FMNL3: variants seen among roughly 807,000 people sequenced by gnomAD.
The protein encoded by FMNL3 is formin like 3.
FMNL3 carries 57 observed loss-of-function variants against 119.6 expected under a neutral mutation model. The observed-to-expected ratio is 0.48, with a 90% confidence interval of 0.39 to 0.59. The LOEUF is 0.59. FMNL3 is among the 20% of genes least tolerant of loss of function. FMNL3 has a pLI of 0.00. For missense variants in FMNL3, 1,053 were observed against 1,323.5 expected (o/e 0.80, Z 3.17); for synonymous variants, 491 against 507.3 (o/e 0.97, Z 0.43).
chr12:49,651,051 G>T, intron 16 of FMNL3, 117 bp downstream of exon 16: 1 of 1,500,764 alleles, frequency 6.7e-7, no homozygotes, highest in Admixed American at 1.8e-5. Context: ...TGAAGGGTTG[G>T]TGGAGCTAAG....
In FMNL3 at chr12:49,643,972, C is replaced by A. The variant is rs554273973; in HGVS notation, c.*1843G>T. The A allele has an allele frequency of 1.2e-6, 2 of 1,614,198 alleles. No individual in the cohort carries two copies. Among genetic ancestry groups the A allele is most frequent in the Non-Finnish European group, 1.7e-6 (2 of 1,180,032 alleles). On this transcript the variant is annotated 3_prime_UTR_variant, in exon 26 of 26. Coordinates refer to ENST00000335154, the MANE Select transcript of FMNL3 (RefSeq NM_175736.5). ...GCTCCAACAGGCAGAGCTCCCTAAC[C>A]GTTCCCCAGGCTTTGGAATCAAGAA... is the stretch of plus-strand genomic sequence containing the variant.
chr12:49,663,090 A>G (rs1314411147), intron 4 of FMNL3, among the ~76,000 whole-genome samples: 1 of 152,220 alleles, frequency 6.6e-6, no homozygotes, highest in Non-Finnish European at 1.5e-5. Flanking sequence ...GAGATTAGGC[A>G]GCAGGCTCTG....
At chr12:49,681,161 CT>C (rs902136354) in intron 1 of FMNL3, among the ~76,000 whole-genome samples, 1 of 152,276 alleles carries the variant, frequency 6.6e-6, no homozygotes, top group Non-Finnish European at 1.5e-5. Context: ...AACTTGTCCT[CT>C]TGGACACAAC....
intron 2 of FMNL3, 31 bp from the exon 3 acceptor site, chr12:49,666,238 C>T (rs752448984): frequency 8.8e-6 from 14 of 1,588,582 alleles, no homozygotes; most frequent in Middle Eastern, 1.7e-4. Context: ...TGCGTATCCA[C>T]AAAGACAACC....
rs1943116544 is a variant in FMNL3 at position 49,645,098 on chromosome 12, C to A, written c.*717G>T. The stretch of plus-strand genomic sequence containing the variant: ...AGCCAAGACCACCATGCTCCTTGTC[C>A]CCTGCCAAAAAAAAAAAAAAAAAAA... On this transcript the variant is annotated 3_prime_UTR_variant, in exon 26 of 26. Coordinates refer to ENST00000335154, the MANE Select transcript of FMNL3 (RefSeq NM_175736.5). 1 of 142,496 alleles carries A rather than the reference C, an allele frequency of 7.0e-6. No homozygotes were observed. 8.8% of individuals were successfully genotyped at this position (142,496 alleles called of 1,614,324 possible). A position where few individuals can be genotyped will look rare whatever the true frequency, so the allele number is the denominator to read the frequency against.
rs747200127 is a variant in FMNL3 at position 49,647,226 on chromosome 12, C to G, written c.2871+50G>C. 4 of 1,605,314 alleles carry G rather than the reference C, an allele frequency of 2.5e-6. No individual in the cohort carries two copies. Among genetic ancestry groups the G allele is most frequent in the South Asian group, 1.1e-5 (1 of 90,916 alleles). On this transcript the variant is annotated intron_variant, in intron 24 of 25. Transcript: ENST00000335154. The surrounding 1 kb of genome is among the most constrained non-coding windows in gnomAD (Gnocchi z 4.9). ...CTCTAGCCTTCTGACCCCCAGCCCCCACTCTTTTGCCTTGTCGTCCTCCAG... is the reference window on the plus strand; with the variant it reads ...CTCTAGCCTTCTGACCCCCAGCCCCGACTCTTTTGCCTTGTCGTCCTCCAG...
At position 49,649,581 on chromosome 12, in the gene FMNL3, G is replaced by T; in HGVS notation, c.2236-43C>A. The stretch of plus-strand genomic sequence containing the variant: ...CACTGAAGTAACCCCAGGCTGAGAT[G>T]GGGTAAAGACAGGGAGGGGTCAGAA... On this transcript the variant is annotated intron_variant, in intron 18 of 25. Coordinates refer to ENST00000335154, the MANE Select transcript of FMNL3 (RefSeq NM_175736.5). This position sits in a 1 kb window ranked among gnomAD's most constrained non-coding sequence, Gnocchi z 5.6. The T allele has an allele frequency of 6.2e-7, 1 of 1,613,322 alleles. No homozygotes were observed.
chr12:49,689,782 C>G (rs1944555867), intron 1 of FMNL3, among the ~76,000 whole-genome samples: 1 of 152,238 alleles, frequency 6.6e-6, no homozygotes. Flanking sequence ...AAGCTCACAT[C>G]TGTCTATAAC....
chr12:49,701,132 A>C (rs1385775591), intron 1 of FMNL3, among the ~76,000 whole-genome samples: 1 of 152,014 alleles, frequency 6.6e-6, no homozygotes, highest in Non-Finnish European at 1.5e-5. Flanking sequence ...AGCAAATGAG[A>C]AAATGCTTAA....
At position 49,657,198 on chromosome 12, in the gene FMNL3, G is replaced by C. The variant is rs371999368; in HGVS notation, c.606-8C>G. 5.0e-6 allele frequency: 8 copies of C among 1,606,372 alleles called. No homozygotes were observed. The highest frequency in any genetic ancestry group is 6.8e-6 in the Non-Finnish European group (8 of 1,173,234). ...CCAGGGAGAGTGCTATACCTGGGGA[G>C]ATGGGCCAGGCAGTCAGGTGGGAGC... On this transcript the variant is annotated splice_region_variant and splice_polypyrimidine_tract_variant and intron_variant, in intron 6 of 25. Transcript: ENST00000335154.
Position 49,707,152 on chromosome 12 carries a change from A to C in FMNL3, c.29T>G (p.Val10Gly). ...CGGGACAGAGGGGGGCTCTCCCGGG[A>C]CCCCCTCGGCGCTCTCCAGGTTGCC... is the stretch of plus-strand genomic sequence containing the variant. MGNLESAEG[V>G]PGEPPSVPLL... The change falls in exon 1 of 26, where the codon GTC (valine) becomes GGC (glycine). Residue 10 changes from valine (V) to glycine (G), a missense_variant. Transcript: ENST00000335154. 6.3e-7 allele frequency: 1 copy of C among 1,588,184 alleles called. No individual in the cohort carries two copies. The highest frequency in any genetic ancestry group is 8.6e-7 in the Non-Finnish European group (1 of 1,168,840).
rs993910951 is a variant in FMNL3 at position 49,642,267 on chromosome 12, G to C, written c.*3548C>G. The C allele has an allele frequency of 2.5e-6, 4 of 1,614,224 alleles. No individual in the cohort carries two copies. Among genetic ancestry groups the C allele is most frequent in the Admixed American group, 1.7e-5 (1 of 60,034 alleles). ...AGAAAGCAGAGGCACGGGAGAGGGA[G>C]CGGGAGAAGGAGGAGGCACGCAGGA... On this transcript the variant is annotated 3_prime_UTR_variant, in exon 26 of 26. Transcript: ENST00000335154. The surrounding 1 kb of genome is among the most constrained non-coding windows in gnomAD (Gnocchi z 5.8).
rs1942295286 is a variant in FMNL3, at chr12:49,639,421, T to C, written c.*6394A>G. The stretch of plus-strand genomic sequence containing the variant: ...GGAAGAGGGTGAGCAGGGAGAAAAG[T>C]CAGTAGGCTGTGCAGGAATCTTGTA... On this transcript the variant is annotated 3_prime_UTR_variant, in exon 26 of 26. Coordinates refer to ENST00000335154, the MANE Select transcript of FMNL3 (RefSeq NM_175736.5). 6.6e-6 allele frequency: 1 copy of C among 152,276 alleles called. No homozygotes were observed. Among genetic ancestry groups the C allele is most frequent in the Admixed American group, 6.5e-5 (1 of 15,270 alleles). 9.4% of individuals were successfully genotyped at this position (152,276 alleles called of 1,614,324 possible).
intron 1 of FMNL3, among the ~76,000 whole-genome samples, chr12:49,693,635 G>GTTTT (rs1565896489): frequency 0.012 from 262 of 21,242 alleles, 113 homozygotes; most frequent in Admixed American, 0.018. Flanking sequence ...TCCCAATCTT[G>GTTTT]GTTTTTTTTT....
Position 49,645,667 on chromosome 12 carries a change from A to T in FMNL3, c.*148T>A. On this transcript the variant is annotated 3_prime_UTR_variant, in exon 26 of 26. Transcript: ENST00000335154. ...CTACAGACCTAGTGCCCATAGTGGC[A>T]CAAGTAGAAAGATCCAGCCTCAAGA... The T allele has an allele frequency of 1.6e-6, 1 of 643,812 alleles. No homozygotes were observed. Among genetic ancestry groups the T allele is most frequent in the South Asian group, 2.1e-5 (1 of 48,380 alleles). The allele number at this position is 643,812 out of a possible 1,614,324, so 39.9% of individuals were successfully genotyped here.
In FMNL3 at chr12:49,650,811, A is replaced by G. The variant is rs1393829372; in HGVS notation, c.1865T>C (p.Ile622Thr). 6.2e-7 allele frequency: 1 copy of G among 1,614,058 alleles called. No homozygotes were observed. The highest frequency in any genetic ancestry group is 1.3e-5 in the African/African-American group (1 of 74,934). Residue 622 changes from isoleucine (I) to threonine (T), a missense_variant, in exon 17 of 26, where the codon ATC becomes ACC. This residue lies in a region of FMNL3 where 445 missense variants were observed against 628.4 expected (regional missense o/e 0.71). Transcript: ENST00000335154. The stretch of plus-strand genomic sequence containing the variant: ...TTGCGCTGTCTTGTTTTTGGAGCAG[A>G]TGAGGTCAAGGGCAGGGCCCTGCGC... ...TKAQGPALDL[I>T]CSKNKTAQKA...
intron 1 of FMNL3, among the ~76,000 whole-genome samples, chr12:49,670,292 A>C (rs1944009689): frequency 6.6e-6 from 1 of 152,216 alleles, no homozygotes; most frequent in Non-Finnish European, 1.5e-5. Context: ...GAAAATCCCA[A>C]ACATTTATTC....
Position 49,658,574 on chromosome 12 carries a change from T to C in FMNL3, c.473A>G (p.Glu158Gly). 1.2e-6 allele frequency: 2 copies of C among 1,610,930 alleles called. No homozygotes were observed. The highest frequency in any genetic ancestry group is 2.2e-5 in the South Asian group (2 of 90,638). Reference protein sequence around the residue: ...CSVMFDFEGLESGDDGAFDKL... With the variant: ...CSVMFDFEGLGSGDDGAFDKL... Reference sequence around the variant, plus strand: ...GTCAAATGCACCATCGTCACCACTTTCCAGACCCTCAAAGTCAAACCTGGA... The same window carrying C: ...GTCAAATGCACCATCGTCACCACTTCCCAGACCCTCAAAGTCAAACCTGGA... The change falls in exon 6 of 26, where the codon GAA (glutamate) becomes GGA (glycine). Residue 158 changes from glutamate (E) to glycine (G), a missense_variant. Glu to Gly is a moderately conservative substitution (Grantham distance 98). Around this residue, in one of 4 missense-constraint regions of FMNL3, gnomAD observed 264 missense variants for 265.5 expected, o/e 0.99. Coordinates refer to ENST00000335154, the MANE Select transcript of FMNL3 (RefSeq NM_175736.5).
At chr12:49,662,736 G>A (rs1046344722) in intron 4 of FMNL3, among the ~76,000 whole-genome samples, 5 of 152,194 alleles carry the variant, frequency 3.3e-5, no homozygotes, top group Admixed American at 1.3e-4. Context: ...CCTCAGCCAG[G>A]AAGGTAGACA....
Sources: allele counts gnomAD v4.1 joint callset (sites outside exome capture counted in the v4.1 genomes callset), GRCh38; gene constraint gnomAD v4.1.1; regional missense constraint gnomAD v4.1.1; non-coding constraint Gnocchi (gnomAD v3.1); transcripts MANE v1.5; gene names NCBI Gene and HGNC (gene_info 2026-07-23, HGNC 2026-07-21).